The following LETMD1 variants were observed in gnomAD, a reference collection of about 807,000 sequenced individuals.
The protein encoded by LETMD1 is LETM1 domain-containing protein 1.
Under a neutral mutation model 43.9 loss-of-function variants are expected in LETMD1, and 30 were observed. The observed-to-expected ratio is 0.68, with a 90% confidence interval of 0.51 to 0.93. LETMD1 has a LOEUF of 0.93. Among genes scored for constraint, LETMD1 ranks in the 40% least tolerant of loss-of-function variants. The pLI, the probability that LETMD1 is intolerant of heterozygous loss-of-function variation, is 0.00. For missense variants in LETMD1, 413 were observed against 447.7 expected (o/e 0.92, Z 0.70); for synonymous variants, 176 against 163.1 (o/e 1.08, Z -0.60).
At chr12:51,064,719 A>G (rs11832566), downstream of LETMD1, 1 of 1,445,832 alleles carries the variant, frequency 6.9e-7, no homozygotes, top group South Asian at 1.6e-5. Flanking sequence ...CAATCCTAAC[A>G]ATGGAGACAG....
intron 8 of LETMD1, chr12:51,059,034 A>T: frequency 3.0e-6 from 1 of 336,142 alleles, no homozygotes; most frequent in South Asian, 3.0e-5. Context: ...GGGTAGGCCT[A>T]CTAATCTTGA....
rs1948649881 is a variant in LETMD1 at position 51,059,607 on chromosome 12, TCA to T, written c.*179_*180del. On this transcript the variant is annotated 3_prime_UTR_variant, in exon 9 of 9. Transcript: ENST00000262055. Reference sequence around the variant, plus strand: ...CATGTGGGAACTGCAGACATTCCTCTCACAGCTAGAACTGAAACAAACCCTCT... The same window carrying T: ...CATGTGGGAACTGCAGACATTCCTCTCAGCTAGAACTGAAACAAACCCTCT... 1.6e-5 allele frequency: 10 copies of T among 636,624 alleles called. No homozygotes were observed. Among genetic ancestry groups the T allele is most frequent in the South Asian group, 1.6e-4 (9 of 58,042 alleles). 39.4% of individuals were successfully genotyped at this position (636,624 alleles called of 1,614,324 possible).
downstream of LETMD1, chr12:51,061,632 G>C (rs1409044707): frequency 6.6e-6 from 1 of 152,594 alleles, no homozygotes; most frequent in Non-Finnish European, 1.5e-5. Flanking sequence ...GTTAATGAAG[G>C]GGATGGACTT....
downstream of LETMD1, chr12:51,064,533 C>T (rs946624432): frequency 2.4e-5 from 39 of 1,613,314 alleles, no homozygotes; most frequent in Middle Eastern, 1.6e-4. Flanking sequence ...GCTCACCTGC[C>T]GCTTGCTCTC....
Position 51,048,496 on chromosome 12 carries a change from AG to A in LETMD1, c.122+19del, listed in dbSNP as rs769931868. 6.2e-7 allele frequency: 1 copy of A among 1,611,678 alleles called. No homozygotes were observed. Among genetic ancestry groups the A allele is most frequent in the African/African-American group, 1.3e-5 (1 of 75,030 alleles). ...GCCCCTCGGTGAGGGACCTGTAGCGAGAAAAGCATTTTTGACGTCCAGGCTC... is the reference window on the plus strand; with the variant it reads ...GCCCCTCGGTGAGGGACCTGTAGCGAAAAAGCATTTTTGACGTCCAGGCTC... On this transcript the variant is annotated intron_variant, in intron 1 of 8. Transcript: ENST00000262055.
chr12:51,053,853 T>C lies in LETMD1; in HGVS notation c.466T>C (p.Leu156=). 6 of 1,605,700 alleles carry C rather than the reference T, an allele frequency of 3.7e-6. No homozygotes were observed. The highest frequency in any genetic ancestry group is 1.3e-5 in the African/African-American group (1 of 74,818). ...ACCTTTTGCCAACTACCTGGTCTTC[T>C]TGCTAATGTGAGTACAGACTTCCAT... is the stretch of plus-strand genomic sequence containing the variant. ...IPPFANYLVF[L]LMYLFPRQLL... is the part of the protein sequence containing the mutation. Residue 156 remains leucine (L), a synonymous_variant, in exon 4 of 9, where the codon TTG becomes CTG. Coordinates refer to ENST00000262055, the MANE Select transcript of LETMD1 (RefSeq NM_015416.5).
chr12:51,051,993 G>A (rs1004478525), intron 2 of LETMD1, 99 bp from the exon 3 acceptor site: 4 of 1,036,510 alleles, frequency 3.9e-6, no homozygotes, highest in Non-Finnish European at 5.6e-6. Context: ...TTGGGGAGGG[G>A]TGAGAGTGTT....
rs201676430 is a variant in LETMD1, at chr12:51,059,347, C to G, written c.1013-14C>G. ...CAGTGTTCCCAAGCCAAACCACTAA[C>G]ACTGTGTTTTCAGAAGCTGAGCTGT... On this transcript the variant is annotated splice_polypyrimidine_tract_variant and intron_variant, in intron 8 of 8. Transcript: ENST00000262055. 6.2e-7 allele frequency: 1 copy of G among 1,613,606 alleles called. No homozygotes were observed. Among genetic ancestry groups the G allele is most frequent in the Middle Eastern group, 1.6e-4 (1 of 6,062 alleles).
In LETMD1 at chr12:51,059,558, C is replaced by T; in HGVS notation, c.*127C>T. 1 of 799,552 alleles carries T rather than the reference C, an allele frequency of 1.3e-6. No homozygotes were observed. Among genetic ancestry groups the T allele is most frequent in the Non-Finnish European group, 2.1e-6 (1 of 465,678 alleles). The allele number at this position is 799,552 out of a possible 1,614,324, so 49.5% of individuals were successfully genotyped here. ...TGGGAGGCAGAGAGAGGAGCAGGGG[C>T]CATGGGCTTCACAGCATGGCACACA... On this transcript the variant is annotated 3_prime_UTR_variant, in exon 9 of 9. Coordinates refer to ENST00000262055, the MANE Select transcript of LETMD1 (RefSeq NM_015416.5).
intron 7 of LETMD1, chr12:51,056,841 A>G (rs1421000587): frequency 2.0e-5 from 4 of 201,324 alleles, no homozygotes; most frequent in Non-Finnish European, 4.0e-5. Flanking sequence ...TTTAGTAGAG[A>G]TGGTTTCACC....
chr12:51,066,668 G>C, the LETMD1 span, among the ~76,000 whole-genome samples: 1 of 151,600 alleles, frequency 6.6e-6, no homozygotes, highest in East Asian at 1.9e-4. Context: ...GCCAACAAGA[G>C]ATGATACTTT....
chr12:51,066,603 T>G, the LETMD1 span, among the ~76,000 whole-genome samples: 7,305 of 148,250 alleles, frequency 0.049, 400 homozygotes, highest in African/African-American at 0.14. Context: ...ATCGCGCCAC[T>G]GCACTCCAGC....
intron 2 of LETMD1, among the ~76,000 whole-genome samples, chr12:51,051,352 C>T (rs906780958): frequency 1.1e-4 from 16 of 151,668 alleles, no homozygotes; most frequent in African/African-American, 3.9e-4. Context: ...TGCAGTGAGC[C>T]GAGATTGCGC....
chr12:51,062,451 G>C (rs1937671651), downstream of LETMD1: 1 of 152,196 alleles, frequency 6.6e-6, no homozygotes, highest in Admixed American at 6.5e-5. Context: ...AACACAGGAT[G>C]AACAGGAACT....
Position 51,049,106 on chromosome 12 carries a change from A to G in LETMD1, c.195A>G (p.Lys65=). ...NLMSYVVTKT[K]AINGKYHRFL... is the part of the protein sequence containing the mutation. ...TGTCTTATGTGGTAACCAAGACAAA[A>G]GCGATTAATGGGAAATACCATCGTT... The change falls in exon 2 of 9, where the codon AAA becomes AAG. Residue 65 remains lysine (K), a synonymous_variant. Coordinates refer to ENST00000262055, the MANE Select transcript of LETMD1 (RefSeq NM_015416.5). 2 of 1,614,094 alleles carry G rather than the reference A, an allele frequency of 1.2e-6. No individual in the cohort carries two copies.
chr12:51,064,004 T>A (rs754050144), downstream of LETMD1: 2 of 1,613,962 alleles, frequency 1.2e-6, no homozygotes, highest in African/African-American at 2.7e-5. Flanking sequence ...AAGCCACGAG[T>A]GAGGTAACAG....
intron 3 of LETMD1, among the ~76,000 whole-genome samples, chr12:51,052,565 G>A (rs779612913): frequency 1.2e-4 from 19 of 152,084 alleles, no homozygotes; most frequent in Admixed American, 1.3e-4. Context: ...GGCAGATCAC[G>A]AAGTCAGGAA....
At position 51,049,379 on chromosome 12, in the gene LETMD1, G is replaced by A. The variant is rs1945291371; in HGVS notation, c.274+194G>A. The A allele has an allele frequency of 5.2e-5, 28 of 537,730 alleles. 1 individual carries two copies. The South Asian group carries it at 7.7e-4, about 15-fold the overall frequency. The allele number at this position is 537,730 out of a possible 1,614,324, so 33.3% of individuals were successfully genotyped here. A position where few individuals can be genotyped will look rare whatever the true frequency, so the allele number is the denominator to read the frequency against. Reference sequence around the variant, plus strand: ...GAGAATGTTTCTAGAAAGATGTTATGAGAAACAACTTATGACAGCAACATG... The same window carrying A: ...GAGAATGTTTCTAGAAAGATGTTATAAGAAACAACTTATGACAGCAACATG... On this transcript the variant is annotated intron_variant, in intron 2 of 8. Coordinates refer to ENST00000262055, the MANE Select transcript of LETMD1 (RefSeq NM_015416.5).
chr12:51,052,324 C>A, intron 3 of LETMD1, 117 bp downstream of exon 3: 2 of 1,241,112 alleles, frequency 1.6e-6, no homozygotes, highest in Non-Finnish European at 2.2e-6. Flanking sequence ...TGCCCTTTGC[C>A]GTGAGAACAA....
Sources: gnomAD v4.1 joint callset for allele counts (sites outside exome capture counted in the v4.1 genomes callset) on GRCh38, gnomAD v4.1.1 for gene constraint, MANE v1.5 for transcripts, NCBI Gene and HGNC (gene_info 2026-07-23, HGNC 2026-07-21) for gene names.